SYNE2: variants seen among roughly 807,000 people sequenced by gnomAD.
SYNE2 encodes the protein spectrin repeat containing nuclear envelope protein 2, also known as nesprin-2.
A neutral mutation model predicts 856.3 loss-of-function variants in SYNE2; 431 were observed. The observed-to-expected ratio is 0.50, with a 90% CI of 0.47 to 0.55. The LOEUF (loss-of-function observed/expected upper bound fraction) is 0.55, where lower values mean the gene tolerates loss of function less well. Among genes scored for constraint, SYNE2 ranks in the 20% least tolerant of loss-of-function variants. The pLI is 0.00. For synonymous variants in SYNE2, 2,923 were observed against 2,872.3 expected, an observed-to-expected ratio of 1.02 and a Z score of -0.56; for missense variants, 8,129 against 8,023.2, an observed-to-expected ratio of 1.01 and a Z score of -0.50.
chr14:63,806,299 T>C (rs549815598), intron 1 of SYNE2, among the ~76,000 whole-genome samples: 26 of 152,342 alleles, frequency 1.7e-4, no homozygotes, highest in Non-Finnish European at 3.7e-4. Flanking sequence ...TTTGTGTGTG[T>C]TGAAACAACT....
At chr14:63,784,493 T>A (rs538033184) in intron 1 of SYNE2, among the ~76,000 whole-genome samples, 1 of 85,234 alleles carries the variant, frequency 1.2e-5, no homozygotes, top group East Asian at 3.6e-4. Flanking sequence ...TGATACTCCA[T>A]CTCAAAAACA....
At chr14:63,950,054 A>T (rs2096125523) in intron 7 of SYNE2, 48 bp downstream of exon 7, 1 of 1,591,794 alleles carries the variant, frequency 6.3e-7, no homozygotes, top group Non-Finnish European at 8.6e-7. Context: ...CAGCTGTATC[A>T]ACCAACACCA....
At chr14:64,037,070 G>T (rs1385613795) in intron 45 of SYNE2, among the ~76,000 whole-genome samples, 1 of 152,018 alleles carries the variant, frequency 6.6e-6, no homozygotes, top group East Asian at 1.9e-4. Context: ...GGAAGTGTCA[G>T]TTGGAGTTAA....
At chr14:64,057,621 T>G (rs1440687267) in intron 49 of SYNE2, among the ~76,000 whole-genome samples, 2 of 152,204 alleles carry the variant, frequency 1.3e-5, no homozygotes. Context: ...CTGATTTCTT[T>G]TGGGTATATG....
chr14:64,128,021 ACAAAT>A (rs766224723), intron 73 of SYNE2, among the ~76,000 whole-genome samples: 7 of 152,368 alleles, frequency 4.6e-5, no homozygotes, highest in East Asian at 1.9e-4. Flanking sequence ...CATCATTGAA[ACAAAT>A]CAAAAAGAAA....
chr14:63,981,330 A>C (rs903619883), intron 16 of SYNE2, among the ~76,000 whole-genome samples, 157 bp downstream of exon 16: 1 of 152,092 alleles, frequency 6.6e-6, no homozygotes, highest in African/African-American at 2.4e-5. Flanking sequence ...TCTTCCTGAT[A>C]TAATTGCCAA....
At position 64,152,516 on chromosome 14, in the gene SYNE2, T is replaced by G. The variant is rs766373907; in HGVS notation, c.15640-48T>G. The G allele has an allele frequency of 1.3e-5, 21 of 1,598,916 alleles. No homozygotes were observed. The Admixed American group carries it at 3.2e-4, about 24-fold the overall frequency. On this transcript the variant is annotated intron_variant, in intron 84 of 115. Coordinates refer to ENST00000555002, the MANE Select transcript of SYNE2 (RefSeq NM_182914.3). ...CTCCTGTCTCTGACACCTTATTAAT[T>G]GTTTTGTAATATTGTGCATTGAAAA... is the stretch of plus-strand genomic sequence containing the variant.
chr14:63,870,403 A>G (rs376010615), intron 1 of SYNE2, among the ~76,000 whole-genome samples: 7 of 137,804 alleles, frequency 5.1e-5, no homozygotes, highest in Non-Finnish European at 7.7e-5. Flanking sequence ...CATTCTAGAT[A>G]ATACTACAGT....
chr14:63,896,947 G>A (rs1359880731), intron 1 of SYNE2, among the ~76,000 whole-genome samples: 3 of 152,072 alleles, frequency 2.0e-5, no homozygotes, highest in African/African-American at 4.8e-5. Context: ...GTGTTCATGC[G>A]TGTGTTTAAA....
chr14:63,873,135 G>A (rs2094626899), intron 1 of SYNE2, among the ~76,000 whole-genome samples: 1 of 152,112 alleles, frequency 6.6e-6, no homozygotes, highest in Admixed American at 6.6e-5. Flanking sequence ...TGACAGCTTT[G>A]CCTTTCCGAT....
At chr14:64,058,112 T>G (rs1460146967) in intron 49 of SYNE2, among the ~76,000 whole-genome samples, 1 of 152,222 alleles carries the variant, frequency 6.6e-6, no homozygotes, top group Non-Finnish European at 1.5e-5. Context: ...GCAAAAGCTT[T>G]TTAACTTGAT....
intron 1 of SYNE2, among the ~76,000 whole-genome samples, chr14:63,876,751 G>T (rs2094731969): frequency 6.6e-6 from 1 of 152,174 alleles, no homozygotes; most frequent in African/African-American, 2.4e-5. Flanking sequence ...CTCCCAAAGT[G>T]CTGGGATTAC....
In SYNE2 at chr14:64,059,184, G is replaced by T. The variant is rs907955646; in HGVS notation, c.10067+2918G>T. Among the ~76,000 whole-genome samples the T allele has an allele frequency of 5.9e-5, 9 of 152,190 alleles. No homozygotes were observed. The East Asian group carries it at 1.7e-3, about 29-fold the overall frequency. On this transcript the variant is annotated intron_variant, in intron 49 of 115. Coordinates refer to ENST00000555002, the MANE Select transcript of SYNE2 (RefSeq NM_182914.3). ...TCCTGGTGACTTATTTAGTTTGTTTGGTGAAGTCATGTTTTCATGGATGGT... is the reference window on the plus strand; with the variant it reads ...TCCTGGTGACTTATTTAGTTTGTTTTGTGAAGTCATGTTTTCATGGATGGT...
At chr14:64,189,957 CTGGCCAATTTTTTTTTT>C in intron 98 of SYNE2, 97 bp from the exon 99 acceptor site, 3 of 1,230,294 alleles carry the variant, frequency 2.4e-6, no homozygotes, top group Non-Finnish European at 3.4e-6. Context: ...GCCACTATGC[CTGGCCAATTTTTTTTTT>C]TTTTTTTAAT....
At chr14:64,002,176 A>G (rs938060044) in intron 29 of SYNE2, 95 bp downstream of exon 29, 4 of 1,064,902 alleles carry the variant, frequency 3.8e-6, no homozygotes, top group Admixed American at 1.8e-5. Context: ...ATGATAGCAT[A>G]GATTAAGAGT....
In SYNE2 at chr14:64,048,027, A is replaced by C; in HGVS notation, c.7249A>C (p.Lys2417Gln). The change falls in exon 46 of 116, where the codon AAA (lysine) becomes CAA (glutamine). Residue 2417 changes from lysine to glutamine, a missense_variant. By Grantham distance (53) the Lys-to-Gln change is moderately conservative. Coordinates refer to ENST00000555002, the MANE Select transcript of SYNE2 (RefSeq NM_182914.3). ...TTCAGCTGTGGAAATGGCTATGTCA[A>C]AACAACTTTCTCTTAATGCTCAAGA... ...KDSAVEMAMS[K>Q]QLSLNAQESM... is the part of the protein sequence containing the mutation. 6.2e-7 allele frequency: 1 copy of C among 1,613,876 alleles called. No individual in the cohort carries two copies. Among genetic ancestry groups the C allele is most frequent in the African/African-American group, 1.3e-5 (1 of 75,058 alleles).
At position 64,142,089 on chromosome 14, in the gene SYNE2, G is replaced by GT; in HGVS notation, c.15306+2dup. 1 of 1,614,074 alleles carries GT rather than the reference G, an allele frequency of 6.2e-7. No individual in the cohort carries two copies. Among genetic ancestry groups the GT allele is most frequent in the South Asian group, 1.1e-5 (1 of 91,076 alleles). On this transcript the variant is annotated splice_donor_variant, in intron 82 of 115. Transcript: ENST00000555002. LOFTEE classifies it high-confidence loss of function. ...TAAACATCTTCTTCAGAAGCACAAG[G>GT]TAATTATGCAAAAGGAGCAGAAGTC...
At chr14:64,029,081 A>G (rs945075513) in intron 43 of SYNE2, among the ~76,000 whole-genome samples, 1 of 152,216 alleles carries the variant, frequency 6.6e-6, no homozygotes, top group African/African-American at 2.4e-5. Flanking sequence ...GGTTGCAGTG[A>G]GCCGAGATTG....
At chr14:63,790,644 G>A (rs540749347) in intron 1 of SYNE2, among the ~76,000 whole-genome samples, 1 of 152,166 alleles carries the variant, frequency 6.6e-6, no homozygotes, top group East Asian at 1.9e-4. Flanking sequence ...TGATGAGGGA[G>A]TGGTGTGAAT....
Sources: gnomAD v4.1 joint callset for allele counts (sites outside exome capture counted in the v4.1 genomes callset) on GRCh38, gnomAD v4.1.1 for gene constraint, MANE v1.5 for transcripts, NCBI Gene and HGNC (gene_info 2026-07-23, HGNC 2026-07-21) for gene names.